The following ELAPOR2 variants were observed in gnomAD, a reference collection of about 807,000 sequenced individuals.
The protein encoded by ELAPOR2 is endosome/lysosome-associated apoptosis and autophagy regulator family member 2.
In ELAPOR2, 89 loss-of-function variants were observed where a neutral mutation model predicts 120.7. The ratio of observed to expected loss-of-function variants is 0.74; its 90% CI spans 0.62 to 0.88. ELAPOR2 has a LOEUF of 0.88. ELAPOR2 is among the 40% of genes least tolerant of loss of function. The pLI is 0.00. For synonymous variants in ELAPOR2, 444 were observed against 444.9 expected (o/e 1.00, Z 0.03); for missense variants, 1,134 against 1,251.6 (o/e 0.91, Z 1.42).
At chr7:86,920,464 TC>T (rs1181467829) in intron 10 of ELAPOR2, among the ~76,000 whole-genome samples, 1 of 152,004 alleles carries the variant, frequency 6.6e-6, no homozygotes, top group African/African-American at 2.4e-5. Context: ...ATGGAGCAAT[TC>T]TATACCAAGA....
intron 17 of ELAPOR2, 98 bp from the exon 18 acceptor site, chr7:86,907,869 G>A: frequency 3.5e-6 from 2 of 567,446 alleles, no homozygotes; most frequent in Non-Finnish European, 5.8e-6. Context: ...ATGAACAAAT[G>A]AAAAAGAAAA....
intron 2 of ELAPOR2, among the ~76,000 whole-genome samples, chr7:86,952,875 G>C (rs1791320346): frequency 6.6e-6 from 1 of 152,000 alleles, no homozygotes; most frequent in Admixed American, 6.6e-5. Context: ...CAGGCAGACT[G>C]CTTGAGGTCA....
chr7:86,933,344 T>C (rs1790414216), intron 8 of ELAPOR2, among the ~76,000 whole-genome samples: 3 of 151,962 alleles, frequency 2.0e-5, no homozygotes, highest in African/African-American at 7.2e-5. Flanking sequence ...GTGTCACTGT[T>C]ACCTACATAA....
intron 9 of ELAPOR2, among the ~76,000 whole-genome samples, chr7:86,926,454 C>T (rs1790070002): frequency 6.6e-6 from 1 of 151,942 alleles, no homozygotes; most frequent in Admixed American, 6.6e-5. Flanking sequence ...ATAAATCACA[C>T]TATTGGTAGC....
chr7:87,009,408 G>A (rs938570259), intron 1 of ELAPOR2, among the ~76,000 whole-genome samples: 1 of 152,088 alleles, frequency 6.6e-6, no homozygotes, highest in Admixed American at 6.6e-5. Flanking sequence ...ACAAATTACA[G>A]GATTTATCAC....
intron 1 of ELAPOR2, among the ~76,000 whole-genome samples, chr7:86,968,015 CAAAT>C (rs1467432229): frequency 6.6e-6 from 1 of 151,852 alleles, no homozygotes; most frequent in African/African-American, 2.4e-5. Flanking sequence ...GGGCTGGTAA[CAAAT>C]AATAAAAAAC....
intron 2 of ELAPOR2, among the ~76,000 whole-genome samples, chr7:86,957,649 A>G (rs1467459497): frequency 6.6e-6 from 1 of 152,220 alleles, no homozygotes; most frequent in Non-Finnish European, 1.5e-5. Flanking sequence ...AGCAACAAAC[A>G]TCTCCTAAAT....
chr7:86,966,108 A>G (rs979848332), intron 1 of ELAPOR2: 4 of 238,734 alleles, frequency 1.7e-5, no homozygotes, highest in Non-Finnish European at 6.8e-6. Flanking sequence ...TTCTCTCATA[A>G]TTACTATAAG....
At chr7:87,044,942 G>A (rs1477617492) in intron 1 of ELAPOR2, among the ~76,000 whole-genome samples, 3 of 147,696 alleles carry the variant, frequency 2.0e-5, no homozygotes, top group Non-Finnish European at 4.4e-5. Context: ...CAAAAAGTGG[G>A]CGAAGGACAT....
Position 86,959,628 on chromosome 7 carries a change from T to C in ELAPOR2, c.310+5276A>G, listed in dbSNP as rs114619975. On this transcript the variant is annotated intron_variant, in intron 2 of 21. Transcript: ENST00000450689. ...TAATTATGTGGTATATCACATTGAT[T>C]GAGCTGCATATGTTAACTCATTCTT... 1.3e-3 allele frequency among the ~76,000 whole-genome samples: 202 copies of C among 152,358 alleles called. 3 individuals are homozygous for C. Among genetic ancestry groups the C allele is most frequent in the African/African-American group, 4.6e-3 (191 of 41,576 alleles).
intron 1 of ELAPOR2, among the ~76,000 whole-genome samples, chr7:87,001,761 G>A (rs932243459): frequency 6.6e-6 from 1 of 152,148 alleles, no homozygotes; most frequent in African/African-American, 2.4e-5. Flanking sequence ...CCTCTACAGA[G>A]AACAGCAGAG....
At chr7:86,939,947 T>A (rs1157968363) in intron 6 of ELAPOR2, 63 bp downstream of exon 6, 2 of 1,069,974 alleles carry the variant, frequency 1.9e-6, no homozygotes, top group Non-Finnish European at 2.7e-6. Context: ...AAAACTTTAA[T>A]AAATATTTTA....
intron 1 of ELAPOR2, among the ~76,000 whole-genome samples, chr7:87,014,350 T>C (rs538661534): frequency 5.9e-5 from 9 of 152,322 alleles, no homozygotes; most frequent in African/African-American, 2.2e-4. Flanking sequence ...TCATGGCAAC[T>C]TCACAGATCA....
At chr7:87,052,821 G>A (rs929780031) in intron 1 of ELAPOR2, among the ~76,000 whole-genome samples, 1 of 151,112 alleles carries the variant, frequency 6.6e-6, no homozygotes, top group African/African-American at 2.4e-5. Flanking sequence ...GTTTGAGACA[G>A]GGTCTTGCTC....
At chr7:86,905,081 AG>A (rs1788918029) in intron 18 of ELAPOR2, among the ~76,000 whole-genome samples, 1 of 95,018 alleles carries the variant, frequency 1.1e-5, no homozygotes, top group Non-Finnish European at 2.3e-5. Context: ...GAAGGAAGGA[AG>A]GAAGGAAGGA....
chr7:86,910,268 T>C (rs1047341447), intron 15 of ELAPOR2, among the ~76,000 whole-genome samples: 5 of 152,122 alleles, frequency 3.3e-5, no homozygotes, highest in African/African-American at 1.2e-4. Context: ...ACAAGCATCA[T>C]TTGTGATAAA....
At chr7:86,989,457 C>T (rs1345726053) in intron 1 of ELAPOR2, among the ~76,000 whole-genome samples, 3 of 152,260 alleles carry the variant, frequency 2.0e-5, no homozygotes, top group Non-Finnish European at 4.4e-5. Context: ...AACAAGTATA[C>T]AAGAATAGAG....
intron 1 of ELAPOR2, among the ~76,000 whole-genome samples, chr7:86,982,917 G>A (rs916587598): frequency 4.6e-5 from 7 of 152,164 alleles, no homozygotes; most frequent in African/African-American, 7.2e-5. Flanking sequence ...CAAACCCATC[G>A]CAAGGAAGCT....
intron 19 of ELAPOR2, among the ~76,000 whole-genome samples, chr7:86,894,452 C>A (rs1294557767): frequency 6.6e-6 from 1 of 151,962 alleles, no homozygotes; most frequent in African/African-American, 2.4e-5. Context: ...AAAGACTGTA[C>A]CATCTTTGAT....
Sources: allele counts gnomAD v4.1 joint callset (sites outside exome capture counted in the v4.1 genomes callset), GRCh38; gene constraint gnomAD v4.1.1; transcripts MANE v1.5; gene names NCBI Gene and HGNC (gene_info 2026-07-23, HGNC 2026-07-21).